ILRUN: variants seen among roughly 807,000 people sequenced by gnomAD.
The protein encoded by ILRUN is inflammation and lipid regulator with UBA-like and NBR1-like domains.
A neutral mutation model predicts 33.8 loss-of-function variants in ILRUN; 3 were observed. The ratio of observed to expected loss-of-function variants is 0.09; its 90% CI spans 0.04 to 0.23. The LOEUF (loss-of-function observed/expected upper bound fraction) is 0.23, where lower values mean the gene tolerates loss of function less well. Among genes scored for constraint, ILRUN ranks in the 10% least tolerant of loss-of-function variants. The pLI is 1.00. For synonymous variants in ILRUN, 124 were observed against 138.9 expected, an observed-to-expected ratio of 0.89 and a Z score of 0.75; for missense variants, 210 against 375.1, an observed-to-expected ratio of 0.56 and a Z score of 3.64.
In ILRUN at chr6:34,646,143, C is replaced by A. The variant is rs1332355044; in HGVS notation, c.511+458G>T. Among the ~76,000 whole-genome samples, 2 of 152,104 alleles carry A rather than the reference C, an allele frequency of 1.3e-5. No homozygotes were observed. The highest frequency in any genetic ancestry group is 4.8e-5 in the African/African-American group (2 of 41,414). ...TGAATGGAAAATGTGAAAGAAGAGA[C>A]AGTGAGTATAGATCACTGCTCAAAA... On this transcript the variant is annotated intron_variant, in intron 3 of 4. Coordinates refer to ENST00000374023, the MANE Select transcript of ILRUN (RefSeq NM_024294.4). The surrounding 1 kb of genome is among the most constrained non-coding windows in gnomAD (Gnocchi z 4.9).
At chr6:34,602,495 C>CA (rs1761530745) in intron 4 of ILRUN, among the ~76,000 whole-genome samples, 1 of 152,206 alleles carries the variant, frequency 6.6e-6, no homozygotes, top group African/African-American at 2.4e-5. Flanking sequence ...TCTGGCCCCC[C>CA]AGAGATGAGT....
At chr6:34,594,202 C>T (rs1437289864) in intron 4 of ILRUN, among the ~76,000 whole-genome samples, 1 of 152,112 alleles carries the variant, frequency 6.6e-6, no homozygotes, top group Non-Finnish European at 1.5e-5. Flanking sequence ...TACACTTGTA[C>T]CACTACTAAT....
intron 3 of ILRUN, among the ~76,000 whole-genome samples, chr6:34,624,125 C>G (rs1221001767): frequency 1.3e-5 from 2 of 152,166 alleles, no homozygotes; most frequent in African/African-American, 4.8e-5. Flanking sequence ...AGCCACCATG[C>G]CCAGCCTCCT....
chr6:34,635,981 G>C (rs1357671182), intron 3 of ILRUN, among the ~76,000 whole-genome samples: 1 of 152,142 alleles, frequency 6.6e-6, no homozygotes, highest in Admixed American at 6.5e-5. Context: ...ATCCAGACTG[G>C]ACGTACTGGT....
intron 3 of ILRUN, among the ~76,000 whole-genome samples, chr6:34,609,255 G>A (rs569607165): frequency 4.8e-4 from 73 of 152,274 alleles, no homozygotes; most frequent in Non-Finnish European, 7.3e-4. Flanking sequence ...TTGGGAGGCC[G>A]AGGTGGGTGG....
At chr6:34,660,138 CA>C (rs35747437) in intron 1 of ILRUN, among the ~76,000 whole-genome samples, 583 of 132,222 alleles carry the variant, frequency 4.4e-3, no homozygotes, top group Non-Finnish European at 5.0e-3. Flanking sequence ...CTCATCCCTT[CA>C]AAAAAAAAAA....
At chr6:34,599,062 A>C (rs902318965) in intron 4 of ILRUN, among the ~76,000 whole-genome samples, 2 of 152,224 alleles carry the variant, frequency 1.3e-5, no homozygotes, top group Non-Finnish European at 2.9e-5. Flanking sequence ...CTAAGTGCAT[A>C]AACTACCTTC....
intron 3 of ILRUN, among the ~76,000 whole-genome samples, chr6:34,628,393 G>A (rs994642994): frequency 1.2e-4 from 18 of 150,186 alleles, no homozygotes; most frequent in South Asian, 8.4e-4. Flanking sequence ...GCATGATCTC[G>A]GCTCACTGCA....
At chr6:34,664,169 G>T (rs1047590809) in intron 1 of ILRUN, among the ~76,000 whole-genome samples, 2 of 152,168 alleles carry the variant, frequency 1.3e-5, no homozygotes, top group Admixed American at 6.5e-5. Context: ...TTATAAATGT[G>T]TGCGTTTTTA....
chr6:34,659,470 T>A (rs1322582293), intron 1 of ILRUN, among the ~76,000 whole-genome samples: 1 of 152,170 alleles, frequency 6.6e-6, no homozygotes, highest in South Asian at 2.1e-4. Context: ...TCTGAACATC[T>A]GATTTTCTTA....
At chr6:34,627,279 C>G (rs1177943242) in intron 3 of ILRUN, among the ~76,000 whole-genome samples, 1 of 152,090 alleles carries the variant, frequency 6.6e-6, no homozygotes, top group Non-Finnish European at 1.5e-5. Context: ...TCTAGGTGTA[C>G]CACACTTTAT....
intron 1 of ILRUN, among the ~76,000 whole-genome samples, chr6:34,669,525 C>A (rs1303431767): frequency 1.3e-5 from 2 of 152,132 alleles, no homozygotes; most frequent in African/African-American, 4.8e-5. Context: ...AAAAGACTTC[C>A]AGAACCACAC....
Position 34,646,709 on chromosome 6 carries a change from C to T in ILRUN, c.403G>A (p.Glu135Lys). ...HVNMVMVRSLEPQEIADVSVQ... is the reference protein window; with the variant it reads ...HVNMVMVRSLKPQEIADVSVQ... ...CTGACATCTGCAATCTCTTGGGGCT[C>T]TAGCGATCTCACCATCACCATGTTC... Residue 135 changes from glutamate (E) to lysine (K), a missense_variant, in exon 3 of 5, where the codon GAG becomes AAG. Glu to Lys is a moderately conservative substitution (Grantham distance 56). This residue lies in a region of ILRUN where 60 missense variants were observed against 138.1 expected (regional missense o/e 0.43). Coordinates refer to ENST00000374023, the MANE Select transcript of ILRUN (RefSeq NM_024294.4). This position sits in a 1 kb window ranked among gnomAD's most constrained non-coding sequence, Gnocchi z 4.9. 6.2e-7 allele frequency: 1 copy of T among 1,614,176 alleles called. No individual in the cohort carries two copies. The highest frequency in any genetic ancestry group is 8.5e-7 in the Non-Finnish European group (1 of 1,180,034).
In ILRUN at chr6:34,616,060, G is replaced by T. The variant is rs111322899; in HGVS notation, c.512-9156C>A. On this transcript the variant is annotated intron_variant, in intron 3 of 4. Transcript: ENST00000374023. ...CCCAAGGGGAAAGGTCAGGGGACTT[G>T]GGAAGGGACCACTTCAAAAATCTAA... 2.9e-3 allele frequency among the ~76,000 whole-genome samples: 440 copies of T among 152,274 alleles called. 1 individual carries two copies. Among genetic ancestry groups the T allele is most frequent in the South Asian group, 0.021 (100 of 4,824 alleles).
intron 1 of ILRUN, among the ~76,000 whole-genome samples, chr6:34,658,761 T>C (rs1017491196): frequency 4.5e-4 from 69 of 152,164 alleles, no homozygotes; most frequent in African/African-American, 1.5e-3. Context: ...TGAGCTGAGA[T>C]TGCGCCACTG....
intron 4 of ILRUN, among the ~76,000 whole-genome samples, chr6:34,598,972 T>C (rs1761455635): frequency 6.6e-6 from 1 of 152,180 alleles, no homozygotes; most frequent in Non-Finnish European, 1.5e-5. Flanking sequence ...GGTCCCTTGG[T>C]TGCTCTGTGT....
chr6:34,603,912 C>T (rs1322179719), intron 4 of ILRUN, among the ~76,000 whole-genome samples: 3 of 152,136 alleles, frequency 2.0e-5, no homozygotes, highest in Non-Finnish European at 2.9e-5. Context: ...TTCTAAGGAG[C>T]CCTAAGAGCT....
At position 34,632,167 on chromosome 6, in the gene ILRUN, G is replaced by A. The variant is rs144019847; in HGVS notation, c.511+14434C>T. The stretch of plus-strand genomic sequence containing the variant: ...TACATTAACAGTGTTTAGGCTGGGC[G>A]TGGTGGCTCACACCTGTAATCCCAG... On this transcript the variant is annotated intron_variant, in intron 3 of 4. Transcript: ENST00000374023. Among the ~76,000 whole-genome samples the A allele has an allele frequency of 5.8e-3, 880 of 152,222 alleles. 13 individuals carry two copies. Among genetic ancestry groups the A allele is most frequent in the Non-Finnish European group, 4.6e-3 (311 of 68,010 alleles).
At position 34,667,111 on chromosome 6, in the gene ILRUN, C is replaced by G. The variant is rs114746278; in HGVS notation, c.159-12332G>C. Among the ~76,000 whole-genome samples, 726 of 152,244 alleles carry G rather than the reference C, an allele frequency of 4.8e-3. 8 individuals carry two copies. The highest frequency in any genetic ancestry group is 0.011 in the African/African-American group (476 of 41,550). On this transcript the variant is annotated intron_variant, in intron 1 of 4. Transcript: ENST00000374023. ...AAACTGAGAGGAAAAAAAAATCTATCTATAGTTTATTCTGATTCTTCCTTG... is the reference window on the plus strand; with the variant it reads ...AAACTGAGAGGAAAAAAAAATCTATGTATAGTTTATTCTGATTCTTCCTTG...
Sources: allele counts gnomAD v4.1 joint callset (sites outside exome capture counted in the v4.1 genomes callset), GRCh38; gene constraint gnomAD v4.1.1; regional missense constraint gnomAD v4.1.1; non-coding constraint Gnocchi (gnomAD v3.1); transcripts MANE v1.5; gene names NCBI Gene and HGNC (gene_info 2026-07-23, HGNC 2026-07-21).